DTNBP1: variants seen among roughly 807,000 people sequenced by gnomAD.
DTNBP1 encodes the protein dystrobrevin binding protein 1.
A neutral mutation model predicts 42.8 loss-of-function variants in DTNBP1; 35 were observed. The ratio of observed to expected loss-of-function variants is 0.82; its 90% confidence interval spans 0.63 to 1.09. The LOEUF (loss-of-function observed/expected upper bound fraction) is 1.09. Ranked by LOEUF, DTNBP1 falls within the 50% of genes least tolerant of loss-of-function variation. The probability of loss-of-function intolerance (pLI) is 0.00; values close to 1 mark genes in which losing one functional copy is unlikely to be tolerated. For synonymous variants in DTNBP1, 171 were observed against 162.2 expected, an observed-to-expected ratio of 1.05 and a Z score of -0.41; for missense variants, 457 against 424.2, an observed-to-expected ratio of 1.08 and a Z score of -0.68.
At chr6:15,527,156 T>TAA (rs1772464339) in intron 8 of DTNBP1, among the ~76,000 whole-genome samples, 1 of 152,252 alleles carries the variant, frequency 6.6e-6, no homozygotes, top group Admixed American at 6.5e-5. Flanking sequence ...GAGTAGTACT[T>TAA]AATGACTTTT....
chr6:15,635,799 T>C (rs1429885353), intron 4 of DTNBP1, among the ~76,000 whole-genome samples: 7 of 152,240 alleles, frequency 4.6e-5, no homozygotes, highest in Non-Finnish European at 1.0e-4. Flanking sequence ...CTGCCTCAAA[T>C]TGCTGTTAAG....
chr6:15,540,718 T>C (rs1287925958), intron 7 of DTNBP1, among the ~76,000 whole-genome samples: 1 of 152,184 alleles, frequency 6.6e-6, no homozygotes, highest in Non-Finnish European at 1.5e-5. Flanking sequence ...CTCGGCTCAC[T>C]GCAAGCTCTG....
chr6:15,604,739 T>C (rs567429785), intron 6 of DTNBP1, among the ~76,000 whole-genome samples: 6 of 150,740 alleles, frequency 4.0e-5, no homozygotes, highest in African/African-American at 1.5e-4. Context: ...ATAGTCCAAA[T>C]GTTACCAAAA....
At chr6:15,606,542 A>G (rs1156315100) in intron 6 of DTNBP1, among the ~76,000 whole-genome samples, 4 of 152,118 alleles carry the variant, frequency 2.6e-5, no homozygotes, top group African/African-American at 9.7e-5. Flanking sequence ...TGCCCACACT[A>G]CAGGCTCTGG....
intron 6 of DTNBP1, chr6:15,595,105 CCCACAACT>C (rs1411865677): frequency 2.2e-6 from 1 of 456,170 alleles, no homozygotes. Flanking sequence ...AGCGTCATGA[CCCACAACT>C]CCACAACTGT....
At chr6:15,647,709 C>G (rs1760767705) in intron 3 of DTNBP1, among the ~76,000 whole-genome samples, 1 of 151,754 alleles carries the variant, frequency 6.6e-6, no homozygotes, top group Non-Finnish European at 1.5e-5. Context: ...GACAAATTCC[C>G]ACAAACACAA....
At chr6:15,605,915 G>A (rs1031014901) in intron 6 of DTNBP1, among the ~76,000 whole-genome samples, 12 of 152,164 alleles carry the variant, frequency 7.9e-5, no homozygotes, top group African/African-American at 1.4e-4. Flanking sequence ...GGCAATGTCC[G>A]TTCCAGTCTA....
chr6:15,627,285 C>G, intron 5 of DTNBP1, 58 bp downstream of exon 5: 1 of 1,602,426 alleles, frequency 6.2e-7, no homozygotes, highest in Non-Finnish European at 8.5e-7. Flanking sequence ...TTACACCAAA[C>G]CCTGCCCAAG....
At chr6:15,601,934 C>G (rs892162072) in intron 6 of DTNBP1, among the ~76,000 whole-genome samples, 9 of 151,516 alleles carry the variant, frequency 5.9e-5, no homozygotes, top group African/African-American at 2.2e-4. Flanking sequence ...ATGTTGCTAT[C>G]TTTGGGGGAA....
At chr6:15,659,151 GT>G (rs1761447749) in intron 1 of DTNBP1, among the ~76,000 whole-genome samples, 2 of 152,200 alleles carry the variant, frequency 1.3e-5, no homozygotes, top group Admixed American at 6.5e-5. Flanking sequence ...ATTGGACATG[GT>G]TTCATCACCA....
chr6:15,636,657 G>T (rs1318269194), intron 4 of DTNBP1, among the ~76,000 whole-genome samples: 1 of 152,118 alleles, frequency 6.6e-6, no homozygotes, highest in South Asian at 2.1e-4. Flanking sequence ...TCACCAGGGG[G>T]ATGTAGCCAC....
chr6:15,569,170 C>T (rs956905257), intron 7 of DTNBP1, among the ~76,000 whole-genome samples: 6 of 152,214 alleles, frequency 3.9e-5, no homozygotes, highest in South Asian at 2.1e-4. Context: ...TGCCTCCCCA[C>T]TGTTCCTCTA....
At chr6:15,601,085 G>A (rs1776710013) in intron 6 of DTNBP1, among the ~76,000 whole-genome samples, 1 of 152,148 alleles carries the variant, frequency 6.6e-6, no homozygotes. Context: ...TGAACCTGAG[G>A]CAGAGAAGAA....
chr6:15,628,864 T>C lies in DTNBP1; in HGVS notation c.223-1389A>G, dbSNP rs536073385. ...TTGTTTTTGTTCGTACATTTCACTATAGTAGGAATTCTCATTTGAAATAAA... is the reference window on the plus strand; with the variant it reads ...TTGTTTTTGTTCGTACATTTCACTACAGTAGGAATTCTCATTTGAAATAAA... On this transcript the variant is annotated intron_variant, in intron 4 of 9. Transcript: ENST00000344537. Among the ~76,000 whole-genome samples the C allele has an allele frequency of 4.0e-4, 61 of 152,332 alleles. 1 individual carries two copies. The highest frequency in any genetic ancestry group is 3.7e-3 in the East Asian group (19 of 5,186).
chr6:15,576,000 T>C (rs183337260), intron 7 of DTNBP1, among the ~76,000 whole-genome samples: 100 of 152,338 alleles, frequency 6.6e-4, no homozygotes, highest in African/African-American at 2.3e-3. Flanking sequence ...GGGATGACTT[T>C]TGTCTACTAT....
intron 7 of DTNBP1, among the ~76,000 whole-genome samples, chr6:15,570,509 T>C (rs1775296145): frequency 3.3e-5 from 5 of 152,208 alleles, no homozygotes; most frequent in African/African-American, 1.2e-4. Flanking sequence ...CAGCTGGAAC[T>C]AAGCAAGTTT....
chr6:15,575,589 T>C (rs1488838323), intron 7 of DTNBP1, among the ~76,000 whole-genome samples: 1 of 152,232 alleles, frequency 6.6e-6, no homozygotes, highest in Non-Finnish European at 1.5e-5. Flanking sequence ...CTACCAGAGC[T>C]GTGGGACCTG....
At chr6:15,573,832 G>A (rs369139965) in intron 7 of DTNBP1, among the ~76,000 whole-genome samples, 17 of 151,970 alleles carry the variant, frequency 1.1e-4, no homozygotes, top group African/African-American at 3.9e-4. Flanking sequence ...TCAGCCTCCC[G>A]AGCAGCTGGG....
At chr6:15,523,406 CAG>C (rs1259737876) in intron 9 of DTNBP1, among the ~76,000 whole-genome samples, 187 bp from the exon 10 acceptor site, 1 of 152,194 alleles carries the variant, frequency 6.6e-6, no homozygotes, top group East Asian at 1.9e-4. Context: ...GAGGCAGCCT[CAG>C]GCCCTGCGGT....
Sources: allele counts gnomAD v4.1 joint callset (sites outside exome capture counted in the v4.1 genomes callset), GRCh38; gene constraint gnomAD v4.1.1; transcripts MANE v1.5; gene names NCBI Gene and HGNC (gene_info 2026-07-23, HGNC 2026-07-21).